ROCK2: variants seen among roughly 807,000 people sequenced by gnomAD.
The protein encoded by ROCK2 is rho-associated protein kinase 2.
ROCK2 carries 61 observed loss-of-function variants against 195.1 expected under a neutral mutation model. The ratio of observed to expected loss-of-function variants is 0.31; its 90% CI spans 0.25 to 0.39. The LOEUF is 0.39. ROCK2 is among the 10% of genes least tolerant of loss of function. The pLI is 1.00. For synonymous variants in ROCK2, 504 were observed against 545.5 expected (o/e 0.92, Z 1.06); for missense variants, 1,109 against 1,637.4 (o/e 0.68, Z 5.57).
At chr2:11,247,564 A>T (rs999037570) in intron 4 of ROCK2, among the ~76,000 whole-genome samples, 2 of 152,200 alleles carry the variant, frequency 1.3e-5, no homozygotes, top group Non-Finnish European at 2.9e-5. Context: ...ATTTTCTTCT[A>T]TCTCAATTAA....
intron 1 of ROCK2, among the ~76,000 whole-genome samples, chr2:11,319,408 T>C (rs1668331667): frequency 6.6e-6 from 1 of 152,138 alleles, no homozygotes; most frequent in South Asian, 2.1e-4. Context: ...CTCTGTCTGT[T>C]ACTGGTGTAT....
intron 20 of ROCK2, among the ~76,000 whole-genome samples, chr2:11,202,892 A>T (rs1234637829): frequency 1.3e-5 from 2 of 152,180 alleles, no homozygotes; most frequent in African/African-American, 4.8e-5. Context: ...AGACACTGTG[A>T]TCAGCCATTT....
Position 11,201,309 on chromosome 2 carries a change from C to T in ROCK2, c.2723+1G>A. ...AAAAGAGACAAGGGTCTCATACTTACCGTTCATCCTGTAATTCCTGTTTCT... is the reference window on the plus strand; with the variant it reads ...AAAAGAGACAAGGGTCTCATACTTATCGTTCATCCTGTAATTCCTGTTTCT... On this transcript the variant is annotated splice_donor_variant, in intron 22 of 32. Coordinates refer to ENST00000315872, the MANE Select transcript of ROCK2 (RefSeq NM_004850.5). LOFTEE classifies it high-confidence loss of function. This position sits in a 1 kb window ranked among gnomAD's most constrained non-coding sequence, Gnocchi z 4.6. 1 of 1,597,404 alleles carries T rather than the reference C, an allele frequency of 6.3e-7. No homozygotes were observed. The highest frequency in any genetic ancestry group is 8.6e-7 in the Non-Finnish European group (1 of 1,165,312).
Position 11,308,946 on chromosome 2 carries a change from G to C in ROCK2, c.142-21210C>G, listed in dbSNP as rs1667948350. On this transcript the variant is annotated intron_variant, in intron 1 of 32. Coordinates refer to ENST00000315872, the MANE Select transcript of ROCK2 (RefSeq NM_004850.5). ...CAAACTTTGCACAAGGAATGATCCTGACATGATGAACCTGGAACTTCTGTG... is the reference window on the plus strand; with the variant it reads ...CAAACTTTGCACAAGGAATGATCCTCACATGATGAACCTGGAACTTCTGTG... The C allele has an allele frequency of 9.3e-6, 15 of 1,610,998 alleles. No homozygotes were observed. In the South Asian group the frequency reaches 1.4e-4, roughly 15 times the overall value.
intron 4 of ROCK2, among the ~76,000 whole-genome samples, chr2:11,242,741 G>A (rs1464210473): frequency 6.6e-6 from 1 of 152,082 alleles, no homozygotes; most frequent in Non-Finnish European, 1.5e-5. Flanking sequence ...ACCCAGGGAG[G>A]AGCTTATTCA....
intron 1 of ROCK2, among the ~76,000 whole-genome samples, chr2:11,311,262 A>G (rs1362581718): frequency 1.3e-5 from 2 of 152,276 alleles, no homozygotes; most frequent in East Asian, 3.9e-4. Flanking sequence ...TTAAAAATCT[A>G]CTCAAGTCCT....
intron 1 of ROCK2, among the ~76,000 whole-genome samples, chr2:11,339,513 C>T (rs1669037646): frequency 7.2e-6 from 1 of 139,484 alleles, no homozygotes; most frequent in Admixed American, 7.6e-5. Flanking sequence ...ATGCTCCTAG[C>T]AACACTTTCC....
In ROCK2 at chr2:11,180,922, A is replaced by C. The variant is rs1266057597; in HGVS notation, c.*2515T>G. The C allele has an allele frequency of 1.3e-5, 2 of 152,142 alleles. No homozygotes were observed. Among genetic ancestry groups the C allele is most frequent in the Non-Finnish European group, 2.9e-5 (2 of 68,014 alleles). 9.4% of individuals were successfully genotyped at this position (152,142 alleles called of 1,614,324 possible). ...AAGCGCATTTTCATTAGTTGGACAA[A>C]CAACCTTATAAACCCTTATGTCAAA... On this transcript the variant is annotated 3_prime_UTR_variant, in exon 33 of 33. Transcript: ENST00000315872.
At chr2:11,308,695 GCT>G in intron 1 of ROCK2, 5 of 1,571,756 alleles carry the variant, frequency 3.2e-6, no homozygotes, top group Non-Finnish European at 4.4e-6. Flanking sequence ...TGGACATTGA[GCT>G]CCAGAAGCAT....
At chr2:11,193,611 A>T (rs555958601) in intron 30 of ROCK2, among the ~76,000 whole-genome samples, 168 bp downstream of exon 30, 1 of 152,334 alleles carries the variant, frequency 6.6e-6, no homozygotes, top group Non-Finnish European at 1.5e-5. Context: ...AATTAAGCAC[A>T]AAAGTCACAA....
chr2:11,301,610 C>T (rs1667707530), intron 1 of ROCK2, among the ~76,000 whole-genome samples: 1 of 151,716 alleles, frequency 6.6e-6, no homozygotes, highest in African/African-American at 2.4e-5. Flanking sequence ...AACCCCATCT[C>T]TACTAAAAAT....
intron 3 of ROCK2, among the ~76,000 whole-genome samples, chr2:11,269,190 T>C (rs958450881): frequency 6.6e-6 from 1 of 152,230 alleles, no homozygotes; most frequent in Non-Finnish European, 1.5e-5. Context: ...CTTTAGTTCT[T>C]TGAGCATCTT....
intron 1 of ROCK2, among the ~76,000 whole-genome samples, chr2:11,294,625 T>A (rs1283983211): frequency 6.6e-6 from 1 of 152,274 alleles, no homozygotes; most frequent in African/African-American, 2.4e-5. Flanking sequence ...AAATTCTGAT[T>A]TTTTTCTTCT....
intron 32 of ROCK2, among the ~76,000 whole-genome samples, chr2:11,189,461 G>C (rs542993936): frequency 9.2e-5 from 14 of 152,220 alleles, no homozygotes; most frequent in Middle Eastern, 3.4e-3. Flanking sequence ...TTTACAATTT[G>C]CCTCTCTGAT....
At chr2:11,331,966 C>A (rs1399910902) in intron 1 of ROCK2, among the ~76,000 whole-genome samples, 3 of 151,790 alleles carry the variant, frequency 2.0e-5, no homozygotes, top group Non-Finnish European at 2.9e-5. Context: ...AACTAGTAGA[C>A]TCCACTGCCA....
At chr2:11,216,663 T>C (rs1664440664) in intron 12 of ROCK2, among the ~76,000 whole-genome samples, 2 of 150,676 alleles carry the variant, frequency 1.3e-5, no homozygotes, top group South Asian at 4.2e-4. Flanking sequence ...TCCCAAAGTG[T>C]TGGGATTACA....
At chr2:11,221,822 G>C (rs1664648913) in intron 8 of ROCK2, among the ~76,000 whole-genome samples, 1 of 152,110 alleles carries the variant, frequency 6.6e-6, no homozygotes, top group African/African-American at 2.4e-5. Context: ...AAATTATTGA[G>C]ATCTACAAAG....
intron 32 of ROCK2, among the ~76,000 whole-genome samples, chr2:11,187,104 G>A (rs971528186): frequency 9.9e-5 from 15 of 152,162 alleles, no homozygotes; most frequent in East Asian, 1.9e-4. Flanking sequence ...TTCTTAACCC[G>A]TGCCAGTTTG....
chr2:11,265,286 T>C (rs575545423), intron 3 of ROCK2, among the ~76,000 whole-genome samples: 1 of 152,270 alleles, frequency 6.6e-6, no homozygotes, highest in African/African-American at 2.4e-5. Context: ...AATGGGCAAG[T>C]TGGAAATCTA....
Sources: allele counts gnomAD v4.1 joint callset (sites outside exome capture counted in the v4.1 genomes callset), GRCh38; gene constraint gnomAD v4.1.1; non-coding constraint Gnocchi (gnomAD v3.1); transcripts MANE v1.5; gene names NCBI Gene and HGNC (gene_info 2026-07-23, HGNC 2026-07-21).